MTPAP: variants seen among roughly 807,000 people sequenced by gnomAD.
MTPAP encodes poly(A) RNA polymerase, mitochondrial.
A neutral mutation model predicts 48.7 loss-of-function variants in MTPAP; 23 were observed. That is an observed-to-expected ratio of 0.47 (90% CI 0.34 to 0.67). MTPAP has a LOEUF of 0.67. MTPAP is among the 30% of genes least tolerant of loss of function. The probability of loss-of-function intolerance (pLI) is 0.01; values close to 1 mark genes in which losing one functional copy is unlikely to be tolerated. For synonymous variants in MTPAP, 257 were observed against 254.1 expected, an observed-to-expected ratio of 1.01 and a Z score of -0.11; for missense variants, 614 against 694.3, an observed-to-expected ratio of 0.88 and a Z score of 1.30.
At chr10:30,331,132 T>C (rs974828907) in intron 4 of MTPAP, among the ~76,000 whole-genome samples, 1 of 152,190 alleles carries the variant, frequency 6.6e-6, no homozygotes, top group East Asian at 1.9e-4. Flanking sequence ...TTATACTTAT[T>C]ATGAGCAAAG....
rs748016971 is a variant in MTPAP at position 30,311,541 on chromosome 10, A to C, written c.*2068T>G. On this transcript the variant is annotated 3_prime_UTR_variant, in exon 9 of 9. Coordinates refer to ENST00000263063, the MANE Select transcript of MTPAP (RefSeq NM_018109.4). ...ATGCACTGACCTAGCATTTTCCTAC[A>C]TCCCTCGCTTAATCCTCACATTGAT... The C allele has an allele frequency of 1.2e-4, 18 of 152,326 alleles. No individual in the cohort carries two copies. The highest frequency in any genetic ancestry group is 2.2e-4 in the Non-Finnish European group (15 of 68,030). The allele number at this position is 152,326 out of a possible 1,614,324, so 9.4% of individuals were successfully genotyped here. A position where few individuals can be genotyped will look rare whatever the true frequency, so the allele number is the denominator to read the frequency against.
chr10:30,322,782 A>C (rs969275276), intron 5 of MTPAP, among the ~76,000 whole-genome samples, 165 bp from the exon 6 acceptor site: 1 of 152,192 alleles, frequency 6.6e-6, no homozygotes, highest in Non-Finnish European at 1.5e-5. Flanking sequence ...TATAAAATTT[A>C]ATATGAATGG....
Position 30,340,395 on chromosome 10 carries a change from T to C in MTPAP, c.386A>G (p.Asn129Ser), listed in dbSNP as rs761483326. ...CQKESIGSLQ[N>S]GTHTPSTAME... ...GGCCGTGCTTGGAGTATGAGTCCCA[T>C]TCTGCAGTGAACCTATGCTTTCCTT... The change falls in exon 3 of 9, where the codon AAT becomes AGT. Residue 129 changes from asparagine to serine, a missense_variant. By Grantham distance (46) the Asn-to-Ser change is conservative. Around this residue, in one of 5 missense-constraint regions of MTPAP, gnomAD observed 114 missense variants for 107.9 expected, o/e 1.06. Coordinates refer to ENST00000263063, the MANE Select transcript of MTPAP (RefSeq NM_018109.4). 19 of 1,614,060 alleles carry C rather than the reference T, an allele frequency of 1.2e-5. No homozygotes were observed. The South Asian group carries it at 1.4e-4, about 12-fold the overall frequency.
chr10:30,322,522 G>A lies in MTPAP; in HGVS notation c.1088C>T (p.Ala363Val). The A allele has an allele frequency of 6.8e-6, 11 of 1,613,852 alleles. No homozygotes were observed. Among genetic ancestry groups the A allele is most frequent in the Non-Finnish European group, 9.3e-6 (11 of 1,179,796 alleles). Residue 363 changes from alanine (A) to valine (V), a missense_variant, in exon 6 of 9, where the codon GCA becomes GTA. Physicochemically the swap from Ala to Val is moderately conservative, Grantham distance 64. Around this residue, in one of 5 missense-constraint regions of MTPAP, gnomAD observed 261 missense variants for 355.4 expected, o/e 0.73. Transcript: ENST00000263063. ...LVFSVRCWAR[A>V]HSLTSSIPGA... ...AGGAATACTACTTGTTAGTGAATGTGCTCGAGCCCAGCACCGTACACTGAA... is the reference window on the plus strand; with the variant it reads ...AGGAATACTACTTGTTAGTGAATGTACTCGAGCCCAGCACCGTACACTGAA...
chr10:30,322,346 A>G (rs749501039), intron 6 of MTPAP, 45 bp downstream of exon 6: 2 of 1,407,750 alleles, frequency 1.4e-6, no homozygotes, highest in Middle Eastern at 1.8e-4. Flanking sequence ...ATATTTACTC[A>G]TAACATTGGA....
intron 1 of MTPAP, among the ~76,000 whole-genome samples, chr10:30,345,003 CCAAA>C (rs1302131266): frequency 6.6e-6 from 1 of 152,158 alleles, no homozygotes; most frequent in Non-Finnish European, 1.5e-5. Context: ...GGCGCCCGGC[CCAAA>C]CAGTGTAGAA....
At chr10:30,342,763 A>T (rs3802622) in intron 1 of MTPAP, among the ~76,000 whole-genome samples, 61,206 of 152,032 alleles carry the variant, frequency 0.4, 15,333 homozygotes, top group Middle Eastern at 0.56. Context: ...AACAATTAAC[A>T]GTGAGTTACC....
At chr10:30,321,991 C>CTAA (rs1206282410) in intron 6 of MTPAP, among the ~76,000 whole-genome samples, 2 of 152,134 alleles carry the variant, frequency 1.3e-5, no homozygotes, top group Non-Finnish European at 2.9e-5. Flanking sequence ...ATCTTTGAAA[C>CTAA]ATCACGAAGC....
In MTPAP at chr10:30,317,036, G is replaced by A. The variant is rs185573325; in HGVS notation, c.1220-826C>T. Among the ~76,000 whole-genome samples, 788 of 152,114 alleles carry A rather than the reference G, an allele frequency of 5.2e-3. 6 individuals are homozygous for A. Among genetic ancestry groups the A allele is most frequent in the African/African-American group, 0.013 (533 of 41,500 alleles). On this transcript the variant is annotated intron_variant, in intron 6 of 8. Coordinates refer to ENST00000263063, the MANE Select transcript of MTPAP (RefSeq NM_018109.4). ...AATTTCTTGTCTATGATTTAATGAT[G>A]TTAATTTCACTATGGCATAACTAAT...
At chr10:30,322,223 C>CCTAGG (rs2132849863) in intron 6 of MTPAP, among the ~76,000 whole-genome samples, 168 bp downstream of exon 6, 1 of 152,190 alleles carries the variant, frequency 6.6e-6, no homozygotes, top group South Asian at 2.1e-4. Context: ...TGCTAAAGGC[C>CCTAGG]CTAGCTTCCC....
At chr10:30,342,338 T>C (rs749604070) in intron 1 of MTPAP, among the ~76,000 whole-genome samples, 14 of 152,250 alleles carry the variant, frequency 9.2e-5, no homozygotes, top group Non-Finnish European at 7.4e-5. Context: ...TCTCTCAAAA[T>C]ATCATATTGT....
At chr10:30,345,238 G>T (rs576702343) in intron 1 of MTPAP, among the ~76,000 whole-genome samples, 2 of 152,070 alleles carry the variant, frequency 1.3e-5, no homozygotes, top group African/African-American at 4.8e-5. Context: ...ACATTTTCCC[G>T]TATCAGAAGA....
chr10:30,325,531 C>A (rs1834574972), intron 5 of MTPAP, among the ~76,000 whole-genome samples: 1 of 152,052 alleles, frequency 6.6e-6, no homozygotes, highest in Non-Finnish European at 1.5e-5. Context: ...CAGATCACTT[C>A]AGGTCAGGAG....
intron 1 of MTPAP, among the ~76,000 whole-genome samples, chr10:30,347,204 A>G (rs1834883793): frequency 6.6e-6 from 1 of 152,234 alleles, no homozygotes; most frequent in Admixed American, 6.5e-5. Flanking sequence ...CAAAACTAAG[A>G]CCAACCTGGA....
Position 30,343,606 on chromosome 10 carries a change from C to T in MTPAP, c.158-1966G>A, listed in dbSNP as rs138345837. 5.9e-3 allele frequency among the ~76,000 whole-genome samples: 899 copies of T among 151,886 alleles called. 4 individuals are homozygous for T. The highest frequency in any genetic ancestry group is 0.02 in the African/African-American group (849 of 41,454). ...TTAAAGAGACAAGGTCTCCCTCTGT[C>T]ACCCAGGCTGGAGTGCAGTGGCACA... On this transcript the variant is annotated intron_variant, in intron 1 of 8. Coordinates refer to ENST00000263063, the MANE Select transcript of MTPAP (RefSeq NM_018109.4).
chr10:30,345,487 T>TA lies in MTPAP; in HGVS notation c.157+3631dup, dbSNP rs200531374. On this transcript the variant is annotated intron_variant, in intron 1 of 8. Coordinates refer to ENST00000263063, the MANE Select transcript of MTPAP (RefSeq NM_018109.4). Reference sequence around the variant, plus strand: ...TGAGAATGAGATAGAAAAGTTTGATTAAAAAAAATGGAGCAATGTGCTTGA... The same window carrying TA: ...TGAGAATGAGATAGAAAAGTTTGATTAAAAAAAAATGGAGCAATGTGCTTGA... 4.0e-5 allele frequency among the ~76,000 whole-genome samples: 6 copies of TA among 151,690 alleles called. No individual in the cohort carries two copies. The East Asian group carries it at 1.2e-3, about 29-fold the overall frequency.
intron 5 of MTPAP, among the ~76,000 whole-genome samples, chr10:30,325,126 GAA>G (rs549411489): frequency 5.1e-4 from 77 of 151,872 alleles, no homozygotes; most frequent in African/African-American, 1.8e-3. Flanking sequence ...TTGATATAAA[GAA>G]AAAAACATAA....
chr10:30,338,150 G>A (rs1232003374), intron 3 of MTPAP, among the ~76,000 whole-genome samples: 2 of 151,782 alleles, frequency 1.3e-5, no homozygotes, highest in Non-Finnish European at 2.9e-5. Context: ...TGTAGTCTCA[G>A]CTACTCAGAA....
chr10:30,311,138 A>G lies in MTPAP; in HGVS notation c.*2471T>C, dbSNP rs952751093. ...GAACAGAAAAAAAAATTTCATTTAG[A>G]AACCCTTAAGTGGTTTATGCTTTTT... is the stretch of plus-strand genomic sequence containing the variant. On this transcript the variant is annotated 3_prime_UTR_variant, in exon 9 of 9. Transcript: ENST00000263063. The G allele has an allele frequency of 2.6e-5, 4 of 152,232 alleles. No homozygotes were observed. The highest frequency in any genetic ancestry group is 9.6e-5 in the African/African-American group (4 of 41,472). The allele number at this position is 152,232 out of a possible 1,614,324, so 9.4% of individuals were successfully genotyped here. A position where few individuals can be genotyped will look rare whatever the true frequency, so the allele number is the denominator to read the frequency against.
Sources: gnomAD v4.1 joint callset for allele counts (sites outside exome capture counted in the v4.1 genomes callset) on GRCh38, gnomAD v4.1.1 for gene constraint, gnomAD v4.1.1 regional missense constraint, MANE v1.5 for transcripts, NCBI Gene and HGNC (gene_info 2026-07-23, HGNC 2026-07-21) for gene names.